SLFN12L: variants seen among roughly 807,000 people sequenced by gnomAD.
SLFN12L encodes schlafen family member 12-like.
SLFN12L carries 34 observed loss-of-function variants against 34.8 expected under a neutral mutation model. That is an observed-to-expected ratio of 0.98 (90% CI 0.74 to 1.30). SLFN12L has a LOEUF of 1.30. Ranked by LOEUF, SLFN12L falls within the 50% of genes most tolerant of loss-of-function variation. The pLI is 0.00. For synonymous variants in SLFN12L, 259 were observed against 247.5 expected (o/e 1.05, Z -0.44); for missense variants, 703 against 696.2 (o/e 1.01, Z -0.11).
intron 2 of SLFN12L, among the ~76,000 whole-genome samples, chr17:35,505,624 T>A (rs1239610933): frequency 1.3e-5 from 2 of 152,222 alleles, no homozygotes; most frequent in Non-Finnish European, 2.9e-5. Flanking sequence ...GAAAGCCCAG[T>A]TGAACATAAC....
In SLFN12L at chr17:35,522,499, G is replaced by C. The variant is rs73992830; in HGVS notation, c.-135C>G. The C allele has an allele frequency of 2.3e-3, 3,684 of 1,613,186 alleles. 76 individuals are homozygous for C. In the African/African-American group the frequency reaches 0.042, roughly 18 times the overall value. ...AGATTTAAAACCTCATAGCTGCACAGGTCACTCAAGAGAGACCTGAAGCCG... is the reference window on the plus strand; with the variant it reads ...AGATTTAAAACCTCATAGCTGCACACGTCACTCAAGAGAGACCTGAAGCCG... On this transcript the variant is annotated 5_prime_UTR_variant, in exon 2 of 5. Transcript: ENST00000628453.
intron 3 of SLFN12L, among the ~76,000 whole-genome samples, chr17:35,478,870 G>A (rs1914154568): frequency 1.3e-5 from 2 of 152,184 alleles, no homozygotes; most frequent in African/African-American, 4.8e-5. Flanking sequence ...TAAAGAAATG[G>A]TAGAGAAGAA....
At chr17:35,477,287 A>G (rs1210394320) in intron 4 of SLFN12L, among the ~76,000 whole-genome samples, 1 of 152,256 alleles carries the variant, frequency 6.6e-6, no homozygotes, top group East Asian at 1.9e-4. Flanking sequence ...TTACATATTT[A>G]AATGTTAAAT....
At position 35,471,971 on chromosome 17, in the gene SLFN12L, G is replaced by A. The variant is rs1913816656; in HGVS notation, c.*2952C>T. On this transcript the variant is annotated 3_prime_UTR_variant, in exon 5 of 5. Coordinates refer to ENST00000628453, the MANE Select transcript of SLFN12L (RefSeq NM_001363830.2). ...CATTCTGGGTATTAGACCTTTGTCA[G>A]ATGGGTAGATTGCAAAAATTTTCTC... Among the ~76,000 whole-genome samples, 1 of 152,094 alleles carries A rather than the reference G, an allele frequency of 6.6e-6. No homozygotes were observed. The highest frequency in any genetic ancestry group is 1.5e-5 in the Non-Finnish European group (1 of 68,020).
intron 2 of SLFN12L, among the ~76,000 whole-genome samples, chr17:35,514,259 T>C (rs1915744426): frequency 6.6e-6 from 1 of 152,228 alleles, no homozygotes; most frequent in African/African-American, 2.4e-5. Context: ...GTGGTAATGT[T>C]AACACAGCAC....
In SLFN12L at chr17:35,475,241, C is replaced by G. The variant is rs374313004; in HGVS notation, c.1521G>C (p.Glu507Asp). 133 of 1,614,146 alleles carry G rather than the reference C, an allele frequency of 8.2e-5. No homozygotes were observed. The African/African-American group carries it at 1.6e-3, about 20-fold the overall frequency. Residue 507 changes from glutamate to aspartate, a missense_variant, in exon 5 of 5, where the codon GAG becomes GAC. Glu to Asp is a conservative substitution (Grantham distance 45, BLOSUM62 2). Transcript: ENST00000628453. ...VLYTFHMVQD[E>D]EFKDYSTQTA... ...TTTGTGTAGAATAGTCTTTAAACTC[C>G]TCATCCTGTACCATGTGGAAGGTGT...
chr17:35,528,442 C>T (rs1188692226), intron 1 of SLFN12L, among the ~76,000 whole-genome samples: 1 of 152,188 alleles, frequency 6.6e-6, no homozygotes, highest in African/African-American at 2.4e-5. Context: ...CTACTTCAAA[C>T]TATATTACAA....
In SLFN12L at chr17:35,498,552, A is replaced by T. The variant is rs543873748; in HGVS notation, c.87-18357T>A. 18 of 1,432,890 alleles carry T rather than the reference A, an allele frequency of 1.3e-5. No individual in the cohort carries two copies. In the South Asian group the frequency reaches 1.9e-4, roughly 15 times the overall value. The allele number at this position is 1,432,890 out of a possible 1,614,324, so 88.8% of individuals were successfully genotyped here. On this transcript the variant is annotated intron_variant, in intron 2 of 4. Coordinates refer to ENST00000628453, the MANE Select transcript of SLFN12L (RefSeq NM_001363830.2). Reference sequence around the variant, plus strand: ...TCTCAGCCTGGTCCAGAACAGTCCAAAAAGTACAGTGGAAAGTTTTTACAG... The same window carrying T: ...TCTCAGCCTGGTCCAGAACAGTCCATAAAGTACAGTGGAAAGTTTTTACAG...
chr17:35,508,596 C>T (rs1268088437), intron 2 of SLFN12L, among the ~76,000 whole-genome samples: 7 of 152,170 alleles, frequency 4.6e-5, no homozygotes, highest in African/African-American at 1.7e-4. Context: ...GATCTGCCCA[C>T]CTTGGCCTCC....
At position 35,487,209 on chromosome 17, in the gene SLFN12L, C is replaced by T. The variant is rs189330693; in HGVS notation, c.87-7014G>A. 7.8e-4 allele frequency among the ~76,000 whole-genome samples: 119 copies of T among 152,394 alleles called. 1 individual carries two copies. In the Middle Eastern group the frequency reaches 0.027, roughly 35 times the overall value. Reference sequence around the variant, plus strand: ...CCCCACTTCTCCAGCTCTGCACCAACACCTCACGGGCTTGAGCCACCGCGC... The same window carrying T: ...CCCCACTTCTCCAGCTCTGCACCAATACCTCACGGGCTTGAGCCACCGCGC... On this transcript the variant is annotated intron_variant, in intron 2 of 4. Transcript: ENST00000628453.
intron 1 of SLFN12L, among the ~76,000 whole-genome samples, chr17:35,530,971 G>A (rs1293415155): frequency 1.3e-5 from 2 of 152,128 alleles, no homozygotes; most frequent in Non-Finnish European, 2.9e-5. Flanking sequence ...ACAACAAATT[G>A]CCATAACGTG....
chr17:35,520,650 C>T (rs1234802381), intron 2 of SLFN12L, among the ~76,000 whole-genome samples: 1 of 151,916 alleles, frequency 6.6e-6, no homozygotes, highest in African/African-American at 2.4e-5. Flanking sequence ...GAGGTTGAGG[C>T]AGGAGAATTT....
rs995054525 is a variant in SLFN12L at position 35,474,944 on chromosome 17, A to C, written c.1818T>G (p.Phe606Leu). The C allele has an allele frequency of 5.8e-6, 9 of 1,549,296 alleles. No homozygotes were observed. The African/African-American group carries it at 8.2e-5, about 14-fold the overall frequency. The part of the protein sequence containing the change: ...LFRFCLFVCW[F>L]VCFFLR ...AGACTCATCTCAAGAAAAAACAAAC[A>C]AACCAACAAACAAACAAACAAAAAC... is the stretch of plus-strand genomic sequence containing the variant. Residue 606 changes from phenylalanine to leucine, a missense_variant, in exon 5 of 5, where the codon TTT (phenylalanine) becomes TTG (leucine). Phe to Leu is a conservative substitution (Grantham distance 22). Coordinates refer to ENST00000628453, the MANE Select transcript of SLFN12L (RefSeq NM_001363830.2).
rs201282558 is a variant in SLFN12L at position 35,475,134 on chromosome 17, A to C, written c.1628T>G (p.Leu543Trp). The C allele has an allele frequency of 1.9e-6, 3 of 1,613,918 alleles. No individual in the cohort carries two copies. Among genetic ancestry groups the C allele is most frequent in the Non-Finnish European group, 2.5e-6 (3 of 1,180,044 alleles). ...KVCVMTKIFYLSPEGKTSCQY... is the reference protein window; with the variant it reads ...KVCVMTKIFYWSPEGKTSCQY... ...GCAGCTTGTCTTGCCTTCAGGGCTC[A>C]AGTAGAAGATCTTTGTCATGACACA... is the stretch of plus-strand genomic sequence containing the variant. The change falls in exon 5 of 5, where the codon TTG (leucine) becomes TGG (tryptophan). Residue 543 changes from leucine to tryptophan, a missense_variant. Physicochemically the swap from Leu to Trp is moderately conservative, Grantham distance 61. Coordinates refer to ENST00000628453, the MANE Select transcript of SLFN12L (RefSeq NM_001363830.2).
At position 35,479,907 on chromosome 17, in the gene SLFN12L, A is replaced by G. The variant is rs774161552; in HGVS notation, c.375T>C (p.Phe125=). ...DGIGLDLENS[F]SNMLPFVPNF... ...TAGGAACAAATGGCAGCATGTTACT[A>G]AAAGAATTTTCCAAATCTAGCCCTA... Residue 125 remains phenylalanine (F), a synonymous_variant, in exon 3 of 5, where the codon TTT becomes TTC. Transcript: ENST00000628453. 20 of 1,613,292 alleles carry G rather than the reference A, an allele frequency of 1.2e-5. No individual in the cohort carries two copies. In the East Asian group the frequency reaches 4.2e-4, roughly 34 times the overall value.
At chr17:35,491,835 T>G (rs1914849954) in intron 2 of SLFN12L, among the ~76,000 whole-genome samples, 1 of 151,912 alleles carries the variant, frequency 6.6e-6, no homozygotes, top group Non-Finnish European at 1.5e-5. Flanking sequence ...CAGTAGGAGG[T>G]CAAGAAGATC....
Position 35,479,119 on chromosome 17 carries a change from G to C in SLFN12L, c.1163C>G (p.Pro388Arg). 1 of 1,551,880 alleles carries C rather than the reference G, an allele frequency of 6.4e-7. No homozygotes were observed. The highest frequency in any genetic ancestry group is 8.7e-7 in the Non-Finnish European group (1 of 1,146,260). ...ATTGCCAATCCTCCTTCCTCAACCT[G>C]GTTCTGAATCCACCATGAACTGGAT... ...EWIQFMVDSE[P>R]VCEELPSPAS... Residue 388 changes from proline (P) to arginine (R), a missense_variant and splice_region_variant, in exon 3 of 5, where the codon CCA becomes CGA. By Grantham distance (103) the Pro-to-Arg change is moderately radical (BLOSUM62 -2). Coordinates refer to ENST00000628453, the MANE Select transcript of SLFN12L (RefSeq NM_001363830.2).
intron 2 of SLFN12L, among the ~76,000 whole-genome samples, chr17:35,502,416 GAAAAAAAAAAAA>G (rs1161388791): frequency 0.016 from 395 of 25,262 alleles, 6 homozygotes; most frequent in African/African-American, 0.047. Flanking sequence ...GTATCCTAAG[GAAAAAAAAAAAA>G]AAAAAAAAAA....
chr17:35,514,958 C>T (rs28526116), intron 2 of SLFN12L: 10,663 of 441,002 alleles, frequency 0.024, 369 homozygotes, highest in African/African-American at 0.11. Context: ...GATCTCTTCA[C>T]CAAAGCTATA....
Sources: allele counts gnomAD v4.1 joint callset (sites outside exome capture counted in the v4.1 genomes callset), GRCh38; gene constraint gnomAD v4.1.1; transcripts MANE v1.5; gene names NCBI Gene and HGNC (gene_info 2026-07-23, HGNC 2026-07-21).